The following RGPD2 variants were observed in gnomAD, a reference collection of about 807,000 sequenced individuals.
RGPD2 encodes the protein RANBP2 like and GRIP domain containing 2.
RGPD2 carries 2 observed loss-of-function variants against 36.0 expected under a neutral mutation model. That is an observed-to-expected ratio of 0.06 (90% CI 0.02 to 0.17). RGPD2 has a LOEUF of 0.17. Among genes scored for constraint, RGPD2 ranks in the 10% least tolerant of loss-of-function variants. RGPD2 has a pLI of 1.00. For missense variants in RGPD2, 40 were observed against 464.3 expected (o/e 0.09, Z 8.40); for synonymous variants, 19 against 163.8 (o/e 0.12, Z 6.75).
At chr2:87,875,052 G>A in the RGPD2 span, among the ~76,000 whole-genome samples, 1 of 152,260 alleles carries the variant, frequency 6.6e-6, no homozygotes, top group East Asian at 1.9e-4. Context: ...TTTGCACATT[G>A]ATTTTGTATC....
chr2:87,839,165 A>T, the RGPD2 span, among the ~76,000 whole-genome samples: 2 of 152,004 alleles, frequency 1.3e-5, no homozygotes, highest in East Asian at 1.9e-4. Context: ...AGACACTTGA[A>T]CAAATTAACA....
At chr2:87,986,160 G>A in the RGPD2 span, among the ~76,000 whole-genome samples, 15,163 of 125,344 alleles carry the variant, frequency 0.12, 1,623 homozygotes, top group Non-Finnish European at 0.18. Flanking sequence ...TTTTGAGAGA[G>A]TGTCTCGCTC....
chr2:87,854,545 G>A, the RGPD2 span, among the ~76,000 whole-genome samples: 3 of 147,634 alleles, frequency 2.0e-5, no homozygotes, highest in Non-Finnish European at 1.5e-5. Flanking sequence ...CACCTTCTGT[G>A]TTGGTACTTC....
chr2:87,984,019 C>T, the RGPD2 span, among the ~76,000 whole-genome samples: 9 of 150,198 alleles, frequency 6.0e-5, no homozygotes, highest in South Asian at 4.3e-4. Context: ...CGCAACCTGA[C>T]GTTATCAAAC....
At chr2:87,847,687 C>T in the RGPD2 span, among the ~76,000 whole-genome samples, 2 of 150,354 alleles carry the variant, frequency 1.3e-5, no homozygotes, top group African/African-American at 2.5e-5. Context: ...TTAGTAGAGA[C>T]AGGATTTCAC....
chr2:87,960,472 A>G, the RGPD2 span, among the ~76,000 whole-genome samples: 2 of 68,482 alleles, frequency 2.9e-5, no homozygotes, highest in African/African-American at 5.5e-5. Context: ...TGGATAGGCT[A>G]TATGTGCCTT....
chr2:87,864,970 C>T, the RGPD2 span, among the ~76,000 whole-genome samples: 94 of 152,128 alleles, frequency 6.2e-4, no homozygotes, highest in Non-Finnish European at 8.1e-4. Context: ...TGTGACCATT[C>T]GTGCAGTACC....
chr2:87,913,364 A>T, the RGPD2 span, among the ~76,000 whole-genome samples: 27 of 151,780 alleles, frequency 1.8e-4, no homozygotes, highest in Admixed American at 8.5e-4. Context: ...GGACACAGGA[A>T]GGGGAATATC....
the RGPD2 span, among the ~76,000 whole-genome samples, chr2:87,869,747 G>A: frequency 3.9e-5 from 6 of 152,244 alleles, no homozygotes; most frequent in East Asian, 3.9e-4. Context: ...ATTAAATTTC[G>A]AACACCTCTC....
chr2:87,921,690 G>A, the RGPD2 span, among the ~76,000 whole-genome samples: 1 of 152,076 alleles, frequency 6.6e-6, no homozygotes, highest in Non-Finnish European at 1.5e-5. Context: ...GGAGTGCTGG[G>A]GCCATTTGTC....
the RGPD2 span, among the ~76,000 whole-genome samples, chr2:87,886,315 CTACAAAA>C: frequency 6.6e-6 from 1 of 151,806 alleles, no homozygotes; most frequent in Non-Finnish European, 1.5e-5. Flanking sequence ...CTTGTCCATG[CTACAAAA>C]TAATCCTGCC....
At chr2:87,813,746 G>A (rs1346398404) in intron 4 of RGPD2, among the ~76,000 whole-genome samples, 1 of 117,510 alleles carries the variant, frequency 8.5e-6, no homozygotes, top group Admixed American at 9.4e-5. Flanking sequence ...TCATACTTGA[G>A]AGAAAAAGCC....
At chr2:87,970,065 CTA>C in the RGPD2 span, among the ~76,000 whole-genome samples, 3 of 151,496 alleles carry the variant, frequency 2.0e-5, no homozygotes, top group Non-Finnish European at 4.4e-5. Context: ...TTTCTAAAGA[CTA>C]TGTTTAATTT....
At chr2:87,829,478 C>G (rs1292067784), upstream of RGPD2, among the ~76,000 whole-genome samples, 2 of 151,816 alleles carry the variant, frequency 1.3e-5, no homozygotes, top group East Asian at 1.9e-4. Flanking sequence ...TGAAGAAATA[C>G]CTGAGACACA....
At chr2:87,882,254 T>C in the RGPD2 span, among the ~76,000 whole-genome samples, 1 of 152,212 alleles carries the variant, frequency 6.6e-6, no homozygotes, top group South Asian at 2.1e-4. Flanking sequence ...TAAGTTGTTG[T>C]TCTATTTTTA....
At chr2:87,912,140 A>G in the RGPD2 span, among the ~76,000 whole-genome samples, 1 of 149,378 alleles carries the variant, frequency 6.7e-6, no homozygotes, top group Admixed American at 6.7e-5. Context: ...TTTATTATAA[A>G]AGCACTGTTT....
the RGPD2 span, among the ~76,000 whole-genome samples, chr2:87,837,304 A>C: frequency 6.6e-6 from 1 of 151,998 alleles, no homozygotes; most frequent in Non-Finnish European, 1.5e-5. Context: ...CATACCCTGA[A>C]ATTGACCACA....
chr2:87,839,632 G>A, the RGPD2 span, among the ~76,000 whole-genome samples: 1 of 152,018 alleles, frequency 6.6e-6, no homozygotes, highest in Non-Finnish European at 1.5e-5. Flanking sequence ...CAACATGGAT[G>A]GAGCTGGAGG....
chr2:87,857,575 C>T, the RGPD2 span, among the ~76,000 whole-genome samples: 1 of 151,606 alleles, frequency 6.6e-6, no homozygotes, highest in African/African-American at 2.4e-5. Context: ...ATCTCCTGAC[C>T]TTGTGATCCG....
Sources: gnomAD v4.1 joint callset for allele counts (sites outside exome capture counted in the v4.1 genomes callset) on GRCh38, gnomAD v4.1.1 for gene constraint, MANE v1.5 for transcripts, NCBI Gene and HGNC (gene_info 2026-07-23, HGNC 2026-07-21) for gene names.